Variants in TSNARE1 observed in about 807,000 individuals in gnomAD.
TSNARE1 encodes the protein t-SNARE domain-containing protein 1.
A neutral mutation model predicts 62.0 loss-of-function variants in TSNARE1; 49 were observed. The ratio of observed to expected loss-of-function variants is 0.79; its 90% CI spans 0.63 to 1.00. The LOEUF (loss-of-function observed/expected upper bound fraction) is 1.00, where lower values mean the gene tolerates loss of function less well. Among genes scored for constraint, TSNARE1 ranks in the 50% least tolerant of loss-of-function variants. TSNARE1 has a pLI of 0.00. For missense variants in TSNARE1, 755 were observed against 700.1 expected, an observed-to-expected ratio of 1.08 and a Z score of -0.88; for synonymous variants, 328 against 294.4, an observed-to-expected ratio of 1.11 and a Z score of -1.17.
At chr8:142,339,414 T>C (rs889545628) in intron 4 of TSNARE1, among the ~76,000 whole-genome samples, 3 of 150,900 alleles carry the variant, frequency 2.0e-5, no homozygotes, top group South Asian at 2.1e-4. Flanking sequence ...CGTGGACCTA[T>C]ACCGTGGATG....
chr8:142,363,061 A>G (rs1375458975), intron 1 of TSNARE1, among the ~76,000 whole-genome samples: 4 of 152,148 alleles, frequency 2.6e-5, no homozygotes, highest in Non-Finnish European at 4.4e-5. Flanking sequence ...CCACCATGCT[A>G]CACTCAAACA....
chr8:142,405,166 G>C (rs957895259), upstream of TSNARE1: 1 of 152,254 alleles, frequency 6.6e-6, no homozygotes, highest in Admixed American at 6.5e-5. Context: ...TGAGCCGATG[G>C]GGAGGGGGAG....
At chr8:142,357,670 G>T (rs1834852159) in intron 1 of TSNARE1, among the ~76,000 whole-genome samples, 1 of 152,196 alleles carries the variant, frequency 6.6e-6, no homozygotes, top group Non-Finnish European at 1.5e-5. Context: ...AGAAAGTGAG[G>T]GGAGCCGTGT....
intron 10 of TSNARE1, among the ~76,000 whole-genome samples, chr8:142,299,527 C>T (rs1482466966): frequency 3.3e-5 from 5 of 152,242 alleles, no homozygotes; most frequent in Non-Finnish European, 5.9e-5. Flanking sequence ...GCCAACAGAG[C>T]GTGTCCCCCC....
At chr8:142,279,391 C>A (rs1191975125) in intron 11 of TSNARE1, among the ~76,000 whole-genome samples, 1 of 152,184 alleles carries the variant, frequency 6.6e-6, no homozygotes, top group Admixed American at 6.5e-5. Context: ...CTGGGCTGCA[C>A]CCGCTGCTGC....
rs188523399 is a variant in TSNARE1, at chr8:142,234,089, C to T, written c.1447-4510G>A. 5.0e-4 allele frequency among the ~76,000 whole-genome samples: 76 copies of T among 152,280 alleles called. No homozygotes were observed. In the East Asian group the frequency reaches 7.1e-3, roughly 14 times the overall value. ...AACAAGTGACCCCAATCATGGAGGCCGGGGAAGGCTCCAAGATGGCTCCAT... is the reference window on the plus strand; with the variant it reads ...AACAAGTGACCCCAATCATGGAGGCTGGGGAAGGCTCCAAGATGGCTCCAT... On this transcript the variant is annotated intron_variant, in intron 12 of 13. Coordinates refer to ENST00000524325, the MANE Select transcript of TSNARE1 (RefSeq NM_145003.5).
intron 12 of TSNARE1, among the ~76,000 whole-genome samples, chr8:142,255,425 CCACCACCACTGT>C (rs1818384148): frequency 1.0e-5 from 1 of 97,496 alleles, no homozygotes; most frequent in African/African-American, 4.8e-5. Context: ...ACCATCACCA[CCACCACCACTGT>C]CACCATCACC....
chr8:142,282,835 T>C (rs377191002), intron 11 of TSNARE1, among the ~76,000 whole-genome samples: 1,424 of 91,434 alleles, frequency 0.016, 5 homozygotes, highest in East Asian at 0.022. Flanking sequence ...TGTCAATGAG[T>C]GGAGGTGGGG....
chr8:142,267,888 A>G (rs4259531), intron 12 of TSNARE1, among the ~76,000 whole-genome samples: 38,194 of 152,106 alleles, frequency 0.25, 6,334 homozygotes, highest in African/African-American at 0.47. Context: ...GGCAACCCTC[A>G]AGGTCTTCCC....
chr8:142,394,781 G>A (rs1252976082), intron 1 of TSNARE1, among the ~76,000 whole-genome samples: 2 of 152,148 alleles, frequency 1.3e-5, no homozygotes, highest in East Asian at 1.9e-4. Flanking sequence ...CAGGGTCACC[G>A]CAGCACTCCC....
At chr8:142,239,736 C>G (rs764570961) in intron 12 of TSNARE1, among the ~76,000 whole-genome samples, 1 of 152,130 alleles carries the variant, frequency 6.6e-6, no homozygotes, top group African/African-American at 2.4e-5. Flanking sequence ...ACGTGGTTAG[C>G]GCCAACTCAC....
intron 2 of TSNARE1, among the ~76,000 whole-genome samples, chr8:142,350,128 A>G (rs1437087973): frequency 9.9e-5 from 9 of 91,158 alleles, no homozygotes; most frequent in Non-Finnish European, 1.4e-4. Flanking sequence ...GGCTGGGACC[A>G]GGGCAGGCAG....
chr8:142,374,869 G>A (rs1836208238), intron 1 of TSNARE1, among the ~76,000 whole-genome samples: 3 of 152,104 alleles, frequency 2.0e-5, no homozygotes, highest in African/African-American at 7.2e-5. Context: ...GCCTCGGGCT[G>A]CCCTGGGAAG....
chr8:142,252,142 T>C (rs1351470121), intron 12 of TSNARE1, among the ~76,000 whole-genome samples: 1 of 152,280 alleles, frequency 6.6e-6, no homozygotes, highest in Non-Finnish European at 1.5e-5. Flanking sequence ...GCGTTCTCTG[T>C]CTGCAGGGCA....
chr8:142,283,677 G>A (rs1239693337), intron 11 of TSNARE1, among the ~76,000 whole-genome samples: 1 of 151,648 alleles, frequency 6.6e-6, no homozygotes, highest in Non-Finnish European at 1.5e-5. Context: ...GCGGAGGTGG[G>A]ACCAGTGTCT....
At position 142,287,102 on chromosome 8, in the gene TSNARE1, C is replaced by T. The variant is rs552425332; in HGVS notation, c.1291-2617G>A. Among the ~76,000 whole-genome samples, 8 of 152,326 alleles carry T rather than the reference C, an allele frequency of 5.3e-5. No individual in the cohort carries two copies. In the East Asian group the frequency reaches 9.7e-4, roughly 18 times the overall value. On this transcript the variant is annotated intron_variant, in intron 10 of 13. Transcript: ENST00000524325. Reference sequence around the variant, plus strand: ...CACTACCACCATCAACGCGGGGTGGCACCCAAGGCCACCCTCCAGGATGTG... The same window carrying T: ...CACTACCACCATCAACGCGGGGTGGTACCCAAGGCCACCCTCCAGGATGTG...
intron 1 of TSNARE1, among the ~76,000 whole-genome samples, chr8:142,386,728 A>T (rs1055298478): frequency 6.6e-6 from 1 of 152,238 alleles, no homozygotes; most frequent in Non-Finnish European, 1.5e-5. Context: ...AATGAGACAA[A>T]GAAGGGCACT....
chr8:142,360,124 T>G (rs1835040797), intron 1 of TSNARE1, among the ~76,000 whole-genome samples: 1 of 151,026 alleles, frequency 6.6e-6, no homozygotes. Context: ...CTCTGCTGAG[T>G]TCAGGACGCG....
chr8:142,264,055 G>GCATTGAAGGCTACTAAGTTT lies in TSNARE1; in HGVS notation c.1446+10706_1446+10725dup, dbSNP rs201280241. On this transcript the variant is annotated intron_variant, in intron 12 of 13. Coordinates refer to ENST00000524325, the MANE Select transcript of TSNARE1 (RefSeq NM_145003.5). ...TTTTCAGCTTTCTTTGGTAGTATAA[G>GCATTGAAGGCTACTAAGTTT]CATTGAAGGCTACTAAGTTTCATTG... 1.8e-4 allele frequency among the ~76,000 whole-genome samples: 27 copies of GCATTGAAGGCTACTAAGTTT among 152,198 alleles called. 2 individuals are homozygous for GCATTGAAGGCTACTAAGTTT. The highest frequency in any genetic ancestry group is 6.5e-4 in the African/African-American group (27 of 41,520).
Sources: gnomAD v4.1 joint callset for allele counts (sites outside exome capture counted in the v4.1 genomes callset) on GRCh38, gnomAD v4.1.1 for gene constraint, MANE v1.5 for transcripts, NCBI Gene and HGNC (gene_info 2026-07-23, HGNC 2026-07-21) for gene names.